Variants in SKAP1 observed in about 807,000 individuals in gnomAD.
SKAP1 encodes the protein src kinase associated phosphoprotein 1.
SKAP1 carries 44 observed loss-of-function variants against 58.5 expected under a neutral mutation model. The observed-to-expected ratio is 0.75, with a 90% CI of 0.59 to 0.97. The LOEUF is 0.97. Among genes scored for constraint, SKAP1 ranks in the 50% least tolerant of loss-of-function variants. The probability of loss-of-function intolerance (pLI) is 0.00; values close to 1 mark genes in which losing one functional copy is unlikely to be tolerated. For missense variants in SKAP1, 390 were observed against 435.2 expected (o/e 0.90, Z 0.92); for synonymous variants, 127 against 149.7 (o/e 0.85, Z 1.11).
chr17:48,277,921 T>C (rs1480336118), intron 4 of SKAP1, among the ~76,000 whole-genome samples: 2 of 152,156 alleles, frequency 1.3e-5, no homozygotes, highest in Non-Finnish European at 2.9e-5. Flanking sequence ...CTAAAGGAAA[T>C]TATGAATAGT....
At chr17:48,184,933 C>G (rs1277858120) in intron 6 of SKAP1, 86 bp from the exon 7 acceptor site, 11 of 1,351,836 alleles carry the variant, frequency 8.1e-6, no homozygotes, top group South Asian at 1.4e-5. Context: ...AATAAAAGCA[C>G]AGAAACAGCT....
chr17:48,255,977 G>A (rs985543362), intron 4 of SKAP1, among the ~76,000 whole-genome samples: 2 of 152,022 alleles, frequency 1.3e-5, no homozygotes. Flanking sequence ...GGCTATCATT[G>A]GTTTCTCCTT....
intron 1 of SKAP1, among the ~76,000 whole-genome samples, chr17:48,412,755 C>T (rs369561726): frequency 1.8e-4 from 28 of 152,202 alleles, no homozygotes; most frequent in Non-Finnish European, 4.0e-4. Context: ...TATAGTTGTG[C>T]ATACTAAAAT....
intron 2 of SKAP1, among the ~76,000 whole-genome samples, chr17:48,377,689 G>A (rs538445638): frequency 8.5e-5 from 13 of 152,214 alleles, no homozygotes; most frequent in Non-Finnish European, 1.8e-4. Flanking sequence ...AAGATGAACA[G>A]TTGAACTGAT....
intron 3 of SKAP1, among the ~76,000 whole-genome samples, chr17:48,362,074 G>A (rs2066945402): frequency 6.6e-6 from 1 of 152,162 alleles, no homozygotes; most frequent in African/African-American, 2.4e-5. Flanking sequence ...AATGCACTAA[G>A]ACTTTGCCAC....
At chr17:48,300,607 G>A (rs2066044980) in intron 4 of SKAP1, among the ~76,000 whole-genome samples, 1 of 152,090 alleles carries the variant, frequency 6.6e-6, no homozygotes, top group South Asian at 2.1e-4. Context: ...TGAGGGGTGA[G>A]CCTAAAAATG....
At position 48,164,756 on chromosome 17, in the gene SKAP1, C is replaced by G. The variant is rs181912441; in HGVS notation, c.878-2187G>C. On this transcript the variant is annotated intron_variant, in intron 10 of 12. Coordinates refer to ENST00000336915, the MANE Select transcript of SKAP1 (RefSeq NM_003726.4). ...AGTAGAACAGCTCCAAAAAAACAGGCAGAATGAAGGGCTAAAAACTGGGAA... is the reference window on the plus strand; with the variant it reads ...AGTAGAACAGCTCCAAAAAAACAGGGAGAATGAAGGGCTAAAAACTGGGAA... Among the ~76,000 whole-genome samples the G allele has an allele frequency of 5.7e-4, 87 of 152,272 alleles. 1 individual carries two copies. The highest frequency in any genetic ancestry group is 6.8e-3 in the Middle Eastern group (2 of 294).
intron 4 of SKAP1, among the ~76,000 whole-genome samples, chr17:48,295,006 C>A (rs2144097386): frequency 6.6e-6 from 1 of 152,224 alleles, no homozygotes; most frequent in South Asian, 2.1e-4. Flanking sequence ...AGTAAAATAG[C>A]TTTTGGTACT....
intron 2 of SKAP1, among the ~76,000 whole-genome samples, chr17:48,394,644 C>A (rs1743205430): frequency 6.6e-6 from 1 of 152,140 alleles, no homozygotes; most frequent in Non-Finnish European, 1.5e-5. Flanking sequence ...TTTAGCCTGC[C>A]ATACATGTTT....
intron 9 of SKAP1, among the ~76,000 whole-genome samples, chr17:48,173,069 A>G (rs757998282): frequency 5.3e-5 from 8 of 152,126 alleles, no homozygotes; most frequent in Non-Finnish European, 1.2e-4. Flanking sequence ...AGTTCCAGCT[A>G]CTTGGGAGAC....
At chr17:48,200,633 C>A (rs1458725024) in intron 4 of SKAP1, among the ~76,000 whole-genome samples, 3 of 152,138 alleles carry the variant, frequency 2.0e-5, no homozygotes, top group African/African-American at 7.2e-5. Flanking sequence ...CCACCTCAGG[C>A]TCCCAAAGTG....
chr17:48,342,814 T>C (rs1304683634), intron 4 of SKAP1, among the ~76,000 whole-genome samples: 1 of 151,930 alleles, frequency 6.6e-6, no homozygotes, highest in African/African-American at 2.4e-5. Flanking sequence ...TGAAACCCCG[T>C]CTCTACTAAA....
chr17:48,202,108 C>G (rs2064735727), intron 4 of SKAP1, among the ~76,000 whole-genome samples: 2 of 152,110 alleles, frequency 1.3e-5, no homozygotes, highest in Non-Finnish European at 2.9e-5. Flanking sequence ...TAGTTGCTAT[C>G]CAAAGCAAAA....
At chr17:48,196,165 AG>A (rs2064626278) in intron 4 of SKAP1, among the ~76,000 whole-genome samples, 1 of 152,204 alleles carries the variant, frequency 6.6e-6, no homozygotes, top group South Asian at 2.1e-4. Flanking sequence ...AAGGTTGCTC[AG>A]TTGGAATAGC....
chr17:48,166,983 G>C (rs1434807497), intron 10 of SKAP1, among the ~76,000 whole-genome samples: 1 of 151,988 alleles, frequency 6.6e-6, no homozygotes, highest in Non-Finnish European at 1.5e-5. Flanking sequence ...TCCCCCTGCA[G>C]CCTCCTGAGT....
intron 1 of SKAP1, among the ~76,000 whole-genome samples, chr17:48,416,094 A>G (rs1358906433): frequency 1.3e-5 from 2 of 152,240 alleles, no homozygotes; most frequent in Non-Finnish European, 2.9e-5. Flanking sequence ...CATTGCTTCT[A>G]TAAGAAAATA....
At chr17:48,227,988 C>A (rs2065087414) in intron 4 of SKAP1, among the ~76,000 whole-genome samples, 1 of 152,170 alleles carries the variant, frequency 6.6e-6, no homozygotes, top group African/African-American at 2.4e-5. Flanking sequence ...GTCTCTCATT[C>A]ATTTCAAGGT....
At chr17:48,165,936 G>C (rs536175661) in intron 10 of SKAP1, among the ~76,000 whole-genome samples, 26 of 152,030 alleles carry the variant, frequency 1.7e-4, no homozygotes, top group Non-Finnish European at 3.5e-4. Context: ...AAAAACAAAA[G>C]AATAAAGCTT....
chr17:48,173,469 ACTTC>A (rs1469373523), intron 9 of SKAP1, among the ~76,000 whole-genome samples: 4 of 151,740 alleles, frequency 2.6e-5, no homozygotes, highest in East Asian at 1.9e-4. Context: ...TTACTCGTCC[ACTTC>A]CTTCCTTTCT....
Sources: allele counts gnomAD v4.1 joint callset (sites outside exome capture counted in the v4.1 genomes callset), GRCh38; gene constraint gnomAD v4.1.1; transcripts MANE v1.5; gene names NCBI Gene and HGNC (gene_info 2026-07-23, HGNC 2026-07-21).